The following SPSB3 variants were observed in gnomAD, a reference collection of about 807,000 sequenced individuals.
SPSB3 encodes SPRY domain-containing SOCS box protein 3.
A neutral mutation model predicts 29.5 loss-of-function variants in SPSB3; 18 were observed. The observed-to-expected ratio is 0.61, with a 90% CI of 0.42 to 0.91. SPSB3 has a LOEUF of 0.91. Ranked by LOEUF, SPSB3 falls within the 40% of genes least tolerant of loss-of-function variation. SPSB3 has a pLI of 0.00. For missense variants in SPSB3, 540 were observed against 507.5 expected, an observed-to-expected ratio of 1.06 and a Z score of -0.61; for synonymous variants, 299 against 214.1, an observed-to-expected ratio of 1.40 and a Z score of -3.46.
intron 6 of SPSB3, 44 bp from the exon 7 acceptor site, chr16:1,777,487 C>G (rs2042731829): frequency 6.9e-7 from 1 of 1,453,452 alleles, no homozygotes; most frequent in African/African-American, 1.4e-5. Context: ...AGGGAAGGGG[C>G]CAGCTACTGG....
intron 2 of SPSB3, 58 bp downstream of exon 2, chr16:1,781,300 G>GC (rs1896699745): frequency 6.2e-7 from 1 of 1,612,408 alleles, no homozygotes; most frequent in African/African-American, 1.3e-5. Flanking sequence ...CTGCCTGCCT[G>GC]CCTAGGGCAT....
In SPSB3 at chr16:1,777,105, G is replaced by A. The variant is rs762818077; in HGVS notation, c.1060C>T (p.Arg354Trp). Residue 354 changes from arginine (R) to tryptophan (W), a missense_variant, in exon 7 of 7, where the codon CGG becomes TGG. Arg to Trp is a moderately radical substitution (Grantham distance 101). Transcript: ENST00000566339. ...TTCCACTGGGAAGTCAGTCAGGTCC[G>A]GCGGCAGCGCTTCCTCTGGCAGGGC... ...PRPCQRKRCRRT is the reference protein window; with the variant it reads ...PRPCQRKRCRWT 33 of 1,610,816 alleles carry A rather than the reference G, an allele frequency of 2.0e-5. No individual in the cohort carries two copies. Among genetic ancestry groups the A allele is most frequent in the Middle Eastern group, 3.3e-4 (2 of 6,074 alleles).
intron 2 of SPSB3, chr16:1,780,722 C>G (rs117023147): frequency 1.9e-4 from 31 of 163,816 alleles, no homozygotes; most frequent in Non-Finnish European, 3.8e-4. Flanking sequence ...CTGGGTAAAC[C>G]AAAGAATTTT....
intron 2 of SPSB3, chr16:1,780,172 G>C (rs1449572884): frequency 6.6e-6 from 1 of 152,350 alleles, no homozygotes; most frequent in Non-Finnish European, 1.5e-5. Context: ...CAGCATGCGT[G>C]TGTCAGACAC....
chr16:1,781,744 T>C (rs1896723984), intron 1 of SPSB3: 1 of 512,844 alleles, frequency 1.9e-6, no homozygotes, highest in South Asian at 2.4e-5. Context: ...CCAGCCCCTC[T>C]CTCCGGTTCC....
intron 2 of SPSB3, 34 bp from the exon 3 acceptor site, chr16:1,778,646 G>T: frequency 1.3e-6 from 2 of 1,522,200 alleles, no homozygotes; most frequent in Non-Finnish European, 8.8e-7. Context: ...ACTACCTGTT[G>T]CCCGCTCTCT....
intron 2 of SPSB3, chr16:1,780,992 C>T (rs1896686023): frequency 2.4e-6 from 1 of 422,940 alleles, no homozygotes; most frequent in Non-Finnish European, 4.1e-6. Flanking sequence ...TTCAGCCTCC[C>T]AAAGTGCTAG....
intron 2 of SPSB3, 198 bp downstream of exon 2, chr16:1,781,160 G>A: frequency 6.5e-7 from 1 of 1,529,374 alleles, no homozygotes; most frequent in Non-Finnish European, 8.8e-7. Context: ...CCCTGAGGCT[G>A]TGTGTGTCCT....
In SPSB3 at chr16:1,777,439, C is replaced by A; in HGVS notation, c.726G>T (p.Val242=). Residue 242 remains valine (V), a synonymous_variant, in exon 7 of 7, where the codon GTG becomes GTT. Transcript: ENST00000566339. ...TFFKNRKCIG[V]AATKLQNKRF... ...TCTTGTTCTGCAGCTTGGTGGCTGC[C>A]ACACCTGGAAGGGAGGGGCCCAGCC... is the stretch of plus-strand genomic sequence containing the variant. 1 of 1,514,068 alleles carries A rather than the reference C, an allele frequency of 6.6e-7. No homozygotes were observed. Among genetic ancestry groups the A allele is most frequent in the Non-Finnish European group, 8.8e-7 (1 of 1,132,318 alleles). 93.8% of individuals were successfully genotyped at this position (1,514,068 alleles called of 1,614,324 possible).
chr16:1,777,763 C>A lies in SPSB3; in HGVS notation c.705G>T (p.Lys235Asn). 6.2e-7 allele frequency: 1 copy of A among 1,612,642 alleles called. No individual in the cohort carries two copies. The highest frequency in any genetic ancestry group is 8.5e-7 in the Non-Finnish European group (1 of 1,179,920). The change falls in exon 6 of 7, where the codon AAG becomes AAT. Residue 235 changes from lysine to asparagine, a missense_variant. Lys to Asn is a moderately conservative substitution (Grantham distance 94). Coordinates refer to ENST00000566339, the MANE Select transcript of SPSB3 (RefSeq NM_080861.4). ...DTWHGTLTFF[K>N]NRKCIGVAAT... ...CGGCCTCACCTATACACTTCCTGTTCTTGAAAAAGGTGAGTGTGCCGTGCC... is the reference window on the plus strand; with the variant it reads ...CGGCCTCACCTATACACTTCCTGTTATTGAAAAAGGTGAGTGTGCCGTGCC...
In SPSB3 at chr16:1,781,507, C is replaced by T; in HGVS notation, c.-12-12G>A. 6.2e-7 allele frequency: 1 copy of T among 1,609,484 alleles called. No homozygotes were observed. The highest frequency in any genetic ancestry group is 8.5e-7 in the Non-Finnish European group (1 of 1,178,334). ...ATGGTGGAAAGAATCTAGAAGAAAACACAGGCTCTGGGCAAAGGAAGACTC... is the reference window on the plus strand; with the variant it reads ...ATGGTGGAAAGAATCTAGAAGAAAATACAGGCTCTGGGCAAAGGAAGACTC... On this transcript the variant is annotated splice_polypyrimidine_tract_variant and intron_variant, in intron 1 of 6. Transcript: ENST00000566339.
chr16:1,781,628 AC>A, intron 1 of SPSB3, 133 bp from the exon 2 acceptor site: 3 of 931,384 alleles, frequency 3.2e-6, no homozygotes, highest in Non-Finnish European at 4.8e-6. Flanking sequence ...GGGCTCCAGA[AC>A]GCTTCAGGAG....
Sources: allele counts gnomAD v4.1 joint callset, GRCh38; gene constraint gnomAD v4.1.1; transcripts MANE v1.5; gene names NCBI Gene and HGNC (gene_info 2026-07-23, HGNC 2026-07-21).